Variants in PALS1 observed in about 807,000 individuals in gnomAD.
The protein encoded by PALS1 is protein associated with LIN7 1, MAGUK p55 family member.
PALS1 carries 31 observed loss-of-function variants against 78.9 expected under a neutral mutation model. The observed-to-expected ratio is 0.39, with a 90% CI of 0.30 to 0.53. PALS1 has a LOEUF of 0.53. Among genes scored for constraint, PALS1 ranks in the 20% least tolerant of loss-of-function variants. The pLI, the probability that PALS1 is intolerant of heterozygous loss-of-function variation, is 0.67. For synonymous variants in PALS1, 276 were observed against 270.9 expected, an observed-to-expected ratio of 1.02 and a Z score of -0.18; for missense variants, 704 against 826.5, an observed-to-expected ratio of 0.85 and a Z score of 1.82.
intron 1 of PALS1, among the ~76,000 whole-genome samples, chr14:67,269,188 G>C (rs1567510677): frequency 6.6e-6 from 1 of 152,172 alleles, no homozygotes; most frequent in Non-Finnish European, 1.5e-5. Context: ...CTATGTTGTA[G>C]CATGTATCAC....
At chr14:67,264,261 AT>A (rs2084284067) in intron 1 of PALS1, among the ~76,000 whole-genome samples, 1 of 152,210 alleles carries the variant, frequency 6.6e-6, no homozygotes, top group Non-Finnish European at 1.5e-5. Flanking sequence ...AATTTGTAGA[AT>A]TGTTTAAAGA....
Position 67,333,085 on chromosome 14 carries a change from A to G in PALS1, c.*129A>G. The G allele has an allele frequency of 1.3e-6, 1 of 765,726 alleles. No individual in the cohort carries two copies. The highest frequency in any genetic ancestry group is 2.0e-5 in the South Asian group (1 of 48,900). 47.4% of individuals were successfully genotyped at this position (765,726 alleles called of 1,614,324 possible). A position where few individuals can be genotyped will look rare whatever the true frequency, so the allele number is the denominator to read the frequency against. On this transcript the variant is annotated 3_prime_UTR_variant, in exon 15 of 15. Coordinates refer to ENST00000261681, the MANE Select transcript of PALS1 (RefSeq NM_022474.4). ...CAGTATAAGCTGTAGATCTGTTCTTAGATCTCTTGAATTAGTGAGACGACA... is the reference window on the plus strand; with the variant it reads ...CAGTATAAGCTGTAGATCTGTTCTTGGATCTCTTGAATTAGTGAGACGACA...
intron 4 of PALS1, among the ~76,000 whole-genome samples, chr14:67,293,111 A>G (rs1384000928): frequency 1.3e-5 from 2 of 152,150 alleles, no homozygotes; most frequent in Admixed American, 6.6e-5. Context: ...TATAACGCCT[A>G]AGATTTATTA....
intron 3 of PALS1, among the ~76,000 whole-genome samples, chr14:67,283,806 C>A (rs1436603253): frequency 6.6e-6 from 1 of 152,174 alleles, no homozygotes; most frequent in African/African-American, 2.4e-5. Context: ...GTAACTGCTA[C>A]ATCATTCAGT....
chr14:67,247,685 C>A (rs1382516701), intron 1 of PALS1, among the ~76,000 whole-genome samples: 1 of 152,002 alleles, frequency 6.6e-6, no homozygotes, highest in Non-Finnish European at 1.5e-5. Flanking sequence ...TCAGTTGATT[C>A]TCCCATCTCA....
At position 67,335,279 on chromosome 14, in the gene PALS1, C is replaced by T. The variant is rs1319779369; in HGVS notation, c.*2323C>T. 1 of 152,166 alleles carries T rather than the reference C, an allele frequency of 6.6e-6. No individual in the cohort carries two copies. Among genetic ancestry groups the T allele is most frequent in the Non-Finnish European group, 1.5e-5 (1 of 68,034 alleles). The allele number at this position is 152,166 out of a possible 1,614,324, so 9.4% of individuals were successfully genotyped here. On this transcript the variant is annotated 3_prime_UTR_variant, in exon 15 of 15. Transcript: ENST00000261681. ...AAGTGAAAACTGAGTTGTTGCTGAC[C>T]TCCACAAAAGAATATGGAAAAAAGC... is the stretch of plus-strand genomic sequence containing the variant.
intron 3 of PALS1, among the ~76,000 whole-genome samples, chr14:67,288,718 T>C (rs1415129302): frequency 1.3e-5 from 2 of 152,142 alleles, no homozygotes; most frequent in Non-Finnish European, 2.9e-5. Flanking sequence ...GGTAACCTCA[T>C]TGTATGTGAT....
Position 67,320,394 on chromosome 14 carries a change from C to T in PALS1, c.1534C>T (p.Pro512Ser). Reference sequence around the variant, plus strand: ...AAAGGACCGCTTTGCATCTGCAGTTCCTCGTAAGTTTGAATGCATTCCCAT... The same window carrying T: ...AAAGGACCGCTTTGCATCTGCAGTTTCTCGTAAGTTTGAATGCATTCCCAT... Reference protein sequence around the residue: ...KEKDRFASAVPHTTRSRRDQE... With the variant: ...KEKDRFASAVSHTTRSRRDQE... The change falls in exon 12 of 15, where the codon CCT becomes TCT. Residue 512 changes from proline to serine, a missense_variant. By Grantham distance (74) the Pro-to-Ser change is moderately conservative. Transcript: ENST00000261681. 6.3e-7 allele frequency: 1 copy of T among 1,597,306 alleles called. No individual in the cohort carries two copies. Among genetic ancestry groups the T allele is most frequent in the Admixed American group, 1.8e-5 (1 of 57,142 alleles).
At chr14:67,331,333 C>T (rs2085446477) in intron 14 of PALS1, among the ~76,000 whole-genome samples, 1 of 152,110 alleles carries the variant, frequency 6.6e-6, no homozygotes, top group African/African-American at 2.4e-5. Flanking sequence ...GCGGGGGAGC[C>T]CCTGCGCTGG....
At chr14:67,312,778 A>G (rs1408361593) in intron 9 of PALS1, 68 bp downstream of exon 9, 1 of 1,225,346 alleles carries the variant, frequency 8.2e-7, no homozygotes, top group Non-Finnish European at 1.1e-6. Flanking sequence ...CTTCACAAAG[A>G]AAAACTCACT....
In PALS1 at chr14:67,301,418, TAAGGAA is replaced by T; in HGVS notation, c.607_612del (p.Lys203_Glu204del). 6.2e-7 allele frequency: 1 copy of T among 1,610,718 alleles called. No homozygotes were observed. Among genetic ancestry groups the T allele is most frequent in the Non-Finnish European group, 8.5e-7 (1 of 1,178,022 alleles). On this transcript the variant is annotated inframe_deletion, in exon 5 of 15. Transcript: ENST00000261681. Reference sequence around the variant, plus strand: ...AAACTGTTTTGAAGCCAGTTCATCATAAGGAAGGACAAGAACTAACTGCTTTGCTGA... The same window carrying T: ...AAACTGTTTTGAAGCCAGTTCATCATGGACAAGAACTAACTGCTTTGCTGA...
Position 67,269,072 on chromosome 14 carries a change from GTC to G in PALS1, c.-236-623_-236-622del, listed in dbSNP as rs1268352641. On this transcript the variant is annotated intron_variant, in intron 1 of 14. Coordinates refer to ENST00000261681, the MANE Select transcript of PALS1 (RefSeq NM_022474.4). ...TTAGGCAACCACTGATCTACTTTTTGTCTCTCTATATTTGCCTCTTCTGGATA... is the reference window on the plus strand; with the variant it reads ...TTAGGCAACCACTGATCTACTTTTTGTCTCTATATTTGCCTCTTCTGGATA... Among the ~76,000 whole-genome samples, 3 of 152,218 alleles carry G rather than the reference GTC, an allele frequency of 2.0e-5. 1 individual carries two copies. The South Asian group carries it at 6.2e-4, about 32-fold the overall frequency.
At chr14:67,320,555 AAT>A (rs1288504167) in intron 12 of PALS1, among the ~76,000 whole-genome samples, 158 bp downstream of exon 12, 2 of 152,232 alleles carry the variant, frequency 1.3e-5, no homozygotes, top group African/African-American at 2.4e-5. Context: ...TTAAATTAAA[AAT>A]AGTCATTATT....
At chr14:67,274,306 G>A (rs1295032231) in intron 2 of PALS1, among the ~76,000 whole-genome samples, 2 of 152,198 alleles carry the variant, frequency 1.3e-5, no homozygotes, top group Non-Finnish European at 2.9e-5. Flanking sequence ...TGTATAAGGT[G>A]TAAGGAAGGG....
intron 1 of PALS1, among the ~76,000 whole-genome samples, chr14:67,251,285 G>A (rs773507676): frequency 2.0e-5 from 3 of 152,186 alleles, no homozygotes; most frequent in Non-Finnish European, 2.9e-5. Context: ...TGAAATCCCA[G>A]TATTTTGGAG....
At chr14:67,275,585 T>G (rs534121994) in intron 2 of PALS1, among the ~76,000 whole-genome samples, 2 of 152,216 alleles carry the variant, frequency 1.3e-5, no homozygotes, top group Non-Finnish European at 2.9e-5. Context: ...AATTCTCTTT[T>G]TTTTGTTGTG....
At chr14:67,323,555 A>T (rs1226063863) in intron 13 of PALS1, 147 bp from the exon 14 acceptor site, 3 of 246,256 alleles carry the variant, frequency 1.2e-5, no homozygotes, top group Non-Finnish European at 2.3e-5. Flanking sequence ...TTGAGGTTGC[A>T]GAGAGCTGTG....
chr14:67,326,993 A>G (rs1280263655), intron 14 of PALS1, among the ~76,000 whole-genome samples: 1 of 152,044 alleles, frequency 6.6e-6, no homozygotes, highest in Non-Finnish European at 1.5e-5. Context: ...TGGCTAACAT[A>G]GTGAAACCCC....
intron 3 of PALS1, among the ~76,000 whole-genome samples, chr14:67,285,229 G>A (rs2084667185): frequency 6.6e-6 from 1 of 152,006 alleles, no homozygotes; most frequent in Non-Finnish European, 1.5e-5. Flanking sequence ...TAAAAGAGTT[G>A]GAATTATTTA....
Sources: allele counts gnomAD v4.1 joint callset (sites outside exome capture counted in the v4.1 genomes callset), GRCh38; gene constraint gnomAD v4.1.1; transcripts MANE v1.5; gene names NCBI Gene and HGNC (gene_info 2026-07-23, HGNC 2026-07-21).